GRIK4: variants seen among roughly 807,000 people sequenced by gnomAD.
The protein encoded by GRIK4 is glutamate ionotropic receptor kainate type subunit 4.
A neutral mutation model predicts 104.9 loss-of-function variants in GRIK4; 40 were observed. The ratio of observed to expected loss-of-function variants is 0.38; its 90% confidence interval spans 0.30 to 0.50. GRIK4 has a LOEUF of 0.50. Ranked by LOEUF, GRIK4 falls within the 20% of genes least tolerant of loss-of-function variation. The pLI is 0.93. For synonymous variants in GRIK4, 485 were observed against 524.9 expected, an observed-to-expected ratio of 0.92 and a Z score of 1.04; for missense variants, 1,047 against 1,308.1, an observed-to-expected ratio of 0.80 and a Z score of 3.08.
At chr11:120,770,242 A>G (rs1951916534) in intron 3 of GRIK4, among the ~76,000 whole-genome samples, 1 of 152,244 alleles carries the variant, frequency 6.6e-6, no homozygotes, top group Non-Finnish European at 1.5e-5. Flanking sequence ...CCCAAATTCT[A>G]CAGCACAGAG....
At chr11:120,818,172 G>T (rs1301592153) in intron 5 of GRIK4, among the ~76,000 whole-genome samples, 1 of 152,218 alleles carries the variant, frequency 6.6e-6, no homozygotes. Context: ...GTACTAGGGG[G>T]TGCTAAGGGG....
At chr11:120,764,619 C>T (rs1376535541) in intron 3 of GRIK4, among the ~76,000 whole-genome samples, 5 of 150,706 alleles carry the variant, frequency 3.3e-5, no homozygotes, top group African/African-American at 4.9e-5. Context: ...CTTTTTAGTG[C>T]TTCCTTCAGG....
intron 11 of GRIK4, among the ~76,000 whole-genome samples, chr11:120,881,856 T>C (rs569656662): frequency 6.6e-6 from 1 of 152,160 alleles, no homozygotes; most frequent in Admixed American, 6.5e-5. Flanking sequence ...TAAAGGCAGC[T>C]GCATTTCTTA....
intron 3 of GRIK4, among the ~76,000 whole-genome samples, chr11:120,716,389 G>T (rs183124006): frequency 6.6e-6 from 1 of 152,016 alleles, no homozygotes; most frequent in Admixed American, 6.5e-5. Context: ...GATTACAGGC[G>T]CCTGCCACTG....
intron 3 of GRIK4, among the ~76,000 whole-genome samples, chr11:120,794,871 C>T (rs565861434): frequency 7.9e-5 from 12 of 152,140 alleles, no homozygotes; most frequent in Admixed American, 3.9e-4. Flanking sequence ...CATGAGTTGG[C>T]GGCGGGAGCG....
intron 13 of GRIK4, among the ~76,000 whole-genome samples, chr11:120,934,129 C>A (rs879917612): frequency 6.9e-6 from 1 of 144,730 alleles, no homozygotes; most frequent in African/African-American, 2.6e-5. Context: ...GGCGTGAACC[C>A]GGGAGGCGGA....
chr11:120,517,065 C>T (rs1217104450), intron 1 of GRIK4, among the ~76,000 whole-genome samples: 9 of 148,794 alleles, frequency 6.0e-5, no homozygotes, highest in South Asian at 2.2e-4. Flanking sequence ...CCTCCCTCCA[C>T]GGTACCCTCG....
At chr11:120,526,192 A>ATGTGCACTTCTCTTTCTTTTTTTCCTT (rs2136077475) in intron 1 of GRIK4, among the ~76,000 whole-genome samples, 1 of 152,046 alleles carries the variant, frequency 6.6e-6, no homozygotes, top group South Asian at 2.1e-4. Context: ...CTGCACACTT[A>ATGTGCACTTCTCTTTCTTTTTTTCCTT]TGTGCACTTC....
At chr11:120,639,889 A>G (rs1254402642) in intron 1 of GRIK4, among the ~76,000 whole-genome samples, 1 of 152,174 alleles carries the variant, frequency 6.6e-6, no homozygotes, top group Non-Finnish European at 1.5e-5. Context: ...AATACAATCT[A>G]GACTTCCTAG....
In GRIK4 at chr11:120,956,579, G is replaced by T. The variant is rs1325659259; in HGVS notation, c.1701-201G>T. 2.0e-5 allele frequency among the ~76,000 whole-genome samples: 3 copies of T among 152,030 alleles called. No homozygotes were observed. The highest frequency in any genetic ancestry group is 4.4e-5 in the Non-Finnish European group (3 of 67,988). On this transcript the variant is annotated intron_variant, in intron 15 of 20. Transcript: ENST00000527524. This position sits in a 1 kb window ranked among gnomAD's most constrained non-coding sequence, Gnocchi z 4.6. ...AAAATGTCTCTTTGATTAAAAAAAAGTTTGAGAACCATCAACCCAGTTCAA... is the reference window on the plus strand; with the variant it reads ...AAAATGTCTCTTTGATTAAAAAAAATTTTGAGAACCATCAACCCAGTTCAA...
chr11:120,686,163 T>TAA (rs79851667), intron 3 of GRIK4, among the ~76,000 whole-genome samples: 85 of 151,952 alleles, frequency 5.6e-4, no homozygotes, highest in African/African-American at 2.0e-3. Context: ...GTTAGTTTCT[T>TAA]AAAAAAAAGC....
At chr11:120,658,701 G>A (rs866443241) in intron 2 of GRIK4, among the ~76,000 whole-genome samples, 47 of 106,008 alleles carry the variant, frequency 4.4e-4, no homozygotes, top group Admixed American at 2.9e-3. Context: ...CTATTGGATT[G>A]TCTGTCTAGG....
At position 120,662,428 on chromosome 11, in the gene GRIK4, C is replaced by T. The variant is rs566513010; in HGVS notation, c.82+2028C>T. Among the ~76,000 whole-genome samples, 6 of 152,330 alleles carry T rather than the reference C, an allele frequency of 3.9e-5. No individual in the cohort carries two copies. The South Asian group carries it at 6.2e-4, about 16-fold the overall frequency. On this transcript the variant is annotated intron_variant, in intron 3 of 20. Transcript: ENST00000527524. ...AAACCCAAACAGCAGTGCCAGGACC[C>T]GTTCTTCCTGTCTCCTTGGTTAGCC...
At chr11:120,742,813 G>C (rs1241501408) in intron 3 of GRIK4, among the ~76,000 whole-genome samples, 2 of 152,150 alleles carry the variant, frequency 1.3e-5, no homozygotes, top group African/African-American at 4.8e-5. Context: ...ACACATGCAT[G>C]TGAATGTTCA....
chr11:120,534,688 G>T (rs1312624560), intron 1 of GRIK4, among the ~76,000 whole-genome samples: 1 of 152,172 alleles, frequency 6.6e-6, no homozygotes, highest in East Asian at 1.9e-4. Flanking sequence ...GGAGGTCATT[G>T]GTGCTCTTCC....
intron 1 of GRIK4, among the ~76,000 whole-genome samples, chr11:120,566,407 C>G (rs1393990807): frequency 6.6e-6 from 1 of 152,160 alleles, no homozygotes; most frequent in Non-Finnish European, 1.5e-5. Context: ...GTCAGATAAG[C>G]CCATGCTGGT....
intron 1 of GRIK4, among the ~76,000 whole-genome samples, chr11:120,554,538 T>C (rs1281272989): frequency 6.6e-6 from 1 of 151,992 alleles, no homozygotes; most frequent in Non-Finnish European, 1.5e-5. Flanking sequence ...TCTCTCTCTG[T>C]CGCTCTCTTT....
chr11:120,739,855 G>A (rs751369), intron 3 of GRIK4, among the ~76,000 whole-genome samples: 106,545 of 152,076 alleles, frequency 0.7, 37,682 homozygotes, highest in Middle Eastern at 0.8. Flanking sequence ...TCCAGAGGGC[G>A]GGCCTAAACC....
chr11:120,967,063 G>A lies in GRIK4; in HGVS notation c.2267-132G>A, dbSNP rs1346107168. ...CTGGCCCCATGGGCTCGCCCCACCC[G>A]CTGCATCTGTCTGTCCCCTCTCGAG... On this transcript the variant is annotated intron_variant, in intron 18 of 20. Transcript: ENST00000527524. This position sits in a 1 kb window ranked among gnomAD's most constrained non-coding sequence, Gnocchi z 4.2. 2.3e-5 allele frequency: 23 copies of A among 987,200 alleles called. No individual in the cohort carries two copies. Among genetic ancestry groups the A allele is most frequent in the African/African-American group, 4.9e-5 (3 of 60,978 alleles). 61.2% of individuals were successfully genotyped at this position (987,200 alleles called of 1,614,324 possible). A position where few individuals can be genotyped will look rare whatever the true frequency, so the allele number is the denominator to read the frequency against.
Sources: allele counts gnomAD v4.1 joint callset (sites outside exome capture counted in the v4.1 genomes callset), GRCh38; gene constraint gnomAD v4.1.1; non-coding constraint Gnocchi (gnomAD v3.1); transcripts MANE v1.5; gene names NCBI Gene and HGNC (gene_info 2026-07-23, HGNC 2026-07-21).